The following C2CD3 variants were observed in gnomAD, a reference collection of about 807,000 sequenced individuals.
C2CD3 encodes the protein C2 domain containing 3 centriole elongation regulator, also known as C2 domain-containing protein 3.
Under a neutral mutation model 234.0 loss-of-function variants are expected in C2CD3, and 148 were observed. That is an observed-to-expected ratio of 0.63 (90% CI 0.55 to 0.72). The LOEUF (loss-of-function observed/expected upper bound fraction) is 0.72, where lower values mean the gene tolerates loss of function less well. Ranked by LOEUF, C2CD3 falls within the 30% of genes least tolerant of loss-of-function variation. The probability of loss-of-function intolerance (pLI) is 0.00; values close to 1 mark genes in which losing one functional copy is unlikely to be tolerated. For synonymous variants in C2CD3, 1,000 were observed against 1,035.4 expected (o/e 0.97, Z 0.66); for missense variants, 2,577 against 2,811.5 (o/e 0.92, Z 1.89).
chr11:74,064,484 T>C (rs1456401791), intron 24 of C2CD3, among the ~76,000 whole-genome samples: 1 of 152,152 alleles, frequency 6.6e-6, no homozygotes, highest in Non-Finnish European at 1.5e-5. Context: ...ATCGTGAAAA[T>C]GGCCATACTG....
intron 24 of C2CD3, among the ~76,000 whole-genome samples, chr11:74,064,625 G>C: frequency 6.6e-6 from 1 of 152,210 alleles, no homozygotes; most frequent in Middle Eastern, 3.4e-3. Context: ...ACAATCCTAC[G>C]CCAAAAGAAC....
At chr11:74,120,734 A>C (rs1189681566) in intron 8 of C2CD3, among the ~76,000 whole-genome samples, 2 of 152,236 alleles carry the variant, frequency 1.3e-5, no homozygotes, top group African/African-American at 2.4e-5. Flanking sequence ...ACTACTTTAC[A>C]TTCCCACTAA....
chr11:74,104,088 G>A (rs964977753), intron 13 of C2CD3, among the ~76,000 whole-genome samples: 8 of 152,114 alleles, frequency 5.3e-5, no homozygotes, highest in South Asian at 2.1e-4. Context: ...CAAAAGAGAC[G>A]GTAGAGTTAG....
At chr11:74,049,607 T>C in intron 26 of C2CD3, 65 bp from the exon 27 acceptor site, 1 of 1,279,678 alleles carries the variant, frequency 7.8e-7, no homozygotes, top group Non-Finnish European at 1.1e-6. Flanking sequence ...GATTAGAGGG[T>C]GCACACAGAG....
intron 7 of C2CD3, among the ~76,000 whole-genome samples, chr11:74,126,005 T>C (rs1406436538): frequency 2.0e-5 from 3 of 151,984 alleles, no homozygotes; most frequent in Non-Finnish European, 2.9e-5. Context: ...CTATATGTCT[T>C]ACTCTTTCTT....
At chr11:74,111,118 A>G (rs886384121) in intron 11 of C2CD3, among the ~76,000 whole-genome samples, 18 of 152,264 alleles carry the variant, frequency 1.2e-4, no homozygotes, top group African/African-American at 1.4e-4. Context: ...TAGTTCTACC[A>G]TAAACCAGCT....
At chr11:74,095,724 A>C (rs1215584476) in intron 16 of C2CD3, among the ~76,000 whole-genome samples, 2 of 152,208 alleles carry the variant, frequency 1.3e-5, no homozygotes, top group Non-Finnish European at 2.9e-5. Context: ...TCCTGATAAA[A>C]GCTCTTAATA....
intron 7 of C2CD3, among the ~76,000 whole-genome samples, chr11:74,125,412 C>A (rs769046256): frequency 2.6e-5 from 4 of 152,130 alleles, no homozygotes; most frequent in Non-Finnish European, 4.4e-5. Context: ...CATAGCCTCC[C>A]AAAATACTGG....
In C2CD3 at chr11:74,129,759, C is replaced by T. The variant is rs761891105; in HGVS notation, c.1217+3085G>A. 35 of 184,896 alleles carry T rather than the reference C, an allele frequency of 1.9e-4. 2 individuals carry two copies. In the South Asian group the frequency reaches 2.2e-3, roughly 11 times the overall value. The allele number at this position is 184,896 out of a possible 1,614,324, so 11.5% of individuals were successfully genotyped here. Reference sequence around the variant, plus strand: ...TGGAGGTTGTAGCGAGCCGATATCACGCCACTGCACTCCAGCCTGGGCACC... The same window carrying T: ...TGGAGGTTGTAGCGAGCCGATATCATGCCACTGCACTCCAGCCTGGGCACC... On this transcript the variant is annotated intron_variant, in intron 7 of 32. Coordinates refer to ENST00000334126, the MANE Select transcript of C2CD3 (RefSeq NM_001286577.2).
At chr11:74,061,450 G>A (rs1219191874) in intron 24 of C2CD3, among the ~76,000 whole-genome samples, 1 of 152,216 alleles carries the variant, frequency 6.6e-6, no homozygotes, top group Non-Finnish European at 1.5e-5. Flanking sequence ...CTACAAGCCA[G>A]AAGAGAGTGG....
rs143390348 is a variant in C2CD3, at chr11:74,114,579, T to C, written c.1535A>G (p.Gln512Arg). 5 of 1,613,542 alleles carry C rather than the reference T, an allele frequency of 3.1e-6. No individual in the cohort carries two copies. In the East Asian group the frequency reaches 1.1e-4, roughly 36 times the overall value. The change falls in exon 10 of 33, where the codon CAA becomes CGA. Residue 512 changes from glutamine (Q) to arginine (R), a missense_variant. Gln to Arg is a conservative substitution (Grantham distance 43). Transcript: ENST00000334126. ...TTCTGGAGTTTCTGAGAGCATCTGT[T>C]GTTCAACCAAATTTCTGAAAGGAGT... ...AGKRNRNLVE[Q>R]QMLSETPEDA...
chr11:74,169,520 A>G (rs181305698), intron 1 of C2CD3, among the ~76,000 whole-genome samples: 109 of 152,234 alleles, frequency 7.2e-4, no homozygotes, highest in African/African-American at 2.5e-3. Context: ...GATCAGGACT[A>G]ATTATTTGGA....
In C2CD3 at chr11:74,074,240, G is replaced by A; in HGVS notation, c.4951+13C>T. The A allele has an allele frequency of 1.9e-6, 3 of 1,584,032 alleles. No homozygotes were observed. The highest frequency in any genetic ancestry group is 2.6e-6 in the Non-Finnish European group (3 of 1,155,660). On this transcript the variant is annotated intron_variant, in intron 24 of 32. Transcript: ENST00000334126. ...GAGTTAGACATGCTCCTGGGTAGGT[G>A]AGGAGAGCATACCTTTCAAGCTCAA...
intron 7 of C2CD3, among the ~76,000 whole-genome samples, chr11:74,124,525 G>A (rs192845968): frequency 7.6e-4 from 116 of 152,188 alleles, no homozygotes; most frequent in Middle Eastern, 3.4e-3. Context: ...TGACAACCGA[G>A]AAATGTCTCC....
At position 74,034,138 on chromosome 11, in the gene C2CD3, A is replaced by G. The variant is rs1952626842; in HGVS notation, c.6022T>C (p.Leu2008=). The change falls in exon 31 of 33, where the codon TTG becomes CTG. Residue 2008 remains leucine, a synonymous_variant. Transcript: ENST00000334126. The part of the protein sequence containing the change: ...QERCTMPDEP[L]VRAPDKGTDS... ...GTGCCTTTATCTGGAGCTCTTACCAATGGCTCATCTGGCATTGTGCATCGT... is the reference window on the plus strand; with the variant it reads ...GTGCCTTTATCTGGAGCTCTTACCAGTGGCTCATCTGGCATTGTGCATCGT... The G allele has an allele frequency of 6.5e-6, 10 of 1,535,886 alleles. No homozygotes were observed. Among genetic ancestry groups the G allele is most frequent in the Non-Finnish European group, 8.7e-6 (10 of 1,146,878 alleles).
intron 32 of C2CD3, among the ~76,000 whole-genome samples, chr11:74,024,211 A>G (rs1952201184): frequency 6.6e-6 from 1 of 152,258 alleles, no homozygotes; most frequent in Admixed American, 6.5e-5. Context: ...AATGCTTCTT[A>G]TAAGAAACAA....
chr11:74,065,250 A>G (rs1324565956), intron 24 of C2CD3, among the ~76,000 whole-genome samples: 1 of 152,192 alleles, frequency 6.6e-6, no homozygotes, highest in East Asian at 1.9e-4. Context: ...AAAAGTGGGC[A>G]AAGGATATGA....
In C2CD3 at chr11:74,132,703, G is replaced by T; in HGVS notation, c.1217+141C>A. ...TAAAGTATGGAGTTTTATTTAGTAGGCAATAGTGATAGTTTAAGGAATAGG... is the reference window on the plus strand; with the variant it reads ...TAAAGTATGGAGTTTTATTTAGTAGTCAATAGTGATAGTTTAAGGAATAGG... On this transcript the variant is annotated intron_variant, in intron 7 of 32. Coordinates refer to ENST00000334126, the MANE Select transcript of C2CD3 (RefSeq NM_001286577.2). 6 of 753,342 alleles carry T rather than the reference G, an allele frequency of 8.0e-6. No homozygotes were observed. In the South Asian group the frequency reaches 1.1e-4, roughly 14 times the overall value. The allele number at this position is 753,342 out of a possible 1,614,324, so 46.7% of individuals were successfully genotyped here.
At chr11:74,167,169 T>C (rs990487211) in intron 2 of C2CD3, among the ~76,000 whole-genome samples, 1 of 152,230 alleles carries the variant, frequency 6.6e-6, no homozygotes, top group Admixed American at 6.5e-5. Flanking sequence ...CCAAGTCCAA[T>C]GCACCAATAT....
Sources: allele counts gnomAD v4.1 joint callset (sites outside exome capture counted in the v4.1 genomes callset), GRCh38; gene constraint gnomAD v4.1.1; transcripts MANE v1.5; gene names NCBI Gene and HGNC (gene_info 2026-07-23, HGNC 2026-07-21).